The following CTNNA3 variants were observed in gnomAD, a reference collection of about 807,000 sequenced individuals.
CTNNA3 encodes catenin alpha-3.
In CTNNA3, 76 loss-of-function variants were observed where a neutral mutation model predicts 95.7. That is an observed-to-expected ratio of 0.79 (90% CI 0.66 to 0.96). The LOEUF (loss-of-function observed/expected upper bound fraction) is 0.96, where lower values mean the gene tolerates loss of function less well. Ranked by LOEUF, CTNNA3 falls within the 40% of genes least tolerant of loss-of-function variation. CTNNA3 has a pLI of 0.00. For missense variants in CTNNA3, 1,191 were observed against 1,089.8 expected (o/e 1.09, Z -1.31); for synonymous variants, 431 against 374.4 (o/e 1.15, Z -1.74).
intron 5 of CTNNA3, among the ~76,000 whole-genome samples, chr10:67,287,378 T>C (rs1839649203): frequency 6.6e-6 from 1 of 152,132 alleles, no homozygotes; most frequent in African/African-American, 2.4e-5. Context: ...ACAGATTGTC[T>C]TTGTGATAGC....
chr10:66,166,781 G>C (rs1383876024), intron 13 of CTNNA3, among the ~76,000 whole-genome samples: 3 of 152,086 alleles, frequency 2.0e-5, no homozygotes, highest in African/African-American at 7.2e-5. Context: ...TAAATTGAAG[G>C]GGTGAATGAA....
chr10:67,451,849 T>C (rs149211356), intron 5 of CTNNA3, among the ~76,000 whole-genome samples: 2 of 152,316 alleles, frequency 1.3e-5, no homozygotes, highest in Non-Finnish European at 2.9e-5. Flanking sequence ...ATTTTATTCA[T>C]TCAGTGCTGC....
chr10:67,074,920 ACAT>A (rs1235713271), intron 7 of CTNNA3, among the ~76,000 whole-genome samples: 6 of 152,206 alleles, frequency 3.9e-5, no homozygotes, highest in Non-Finnish European at 8.8e-5. Context: ...TAACACACAG[ACAT>A]CATGCTGAAA....
At chr10:66,275,028 A>C (rs1280836838) in intron 13 of CTNNA3, among the ~76,000 whole-genome samples, 2 of 152,100 alleles carry the variant, frequency 1.3e-5, no homozygotes, top group Non-Finnish European at 2.9e-5. Flanking sequence ...ATATTTTCTA[A>C]TTGTTAGTTG....
Position 67,756,277 on chromosome 10 carries a change from A to G in CTNNA3, c.-2+7157T>C, listed in dbSNP as rs572752592. ...TTTTAGATAAATCAGTAGGGTGTCT[A>G]TAGTCTACAGTAGTCTATTGTACAT... On this transcript the variant is annotated intron_variant, in intron 1 of 17. Coordinates refer to the CTNNA3 transcript ENST00000684154. Among the ~76,000 whole-genome samples, 7 of 152,332 alleles carry G rather than the reference A, an allele frequency of 4.6e-5. No individual in the cohort carries two copies. The East Asian group carries it at 1.2e-3, about 25-fold the overall frequency.
chr10:67,393,911 C>A (rs1288212209), intron 5 of CTNNA3, among the ~76,000 whole-genome samples: 1 of 152,118 alleles, frequency 6.6e-6, no homozygotes, highest in African/African-American at 2.4e-5. Context: ...ACTAGCACAG[C>A]TCAATTCAGG....
chr10:66,258,910 GT>G (rs1211614042), intron 13 of CTNNA3, among the ~76,000 whole-genome samples: 1 of 152,180 alleles, frequency 6.6e-6, no homozygotes, highest in Non-Finnish European at 1.5e-5. Context: ...AAAAAGAGAA[GT>G]GAAAACTAAT....
At chr10:66,182,622 T>C (rs918753912) in intron 13 of CTNNA3, among the ~76,000 whole-genome samples, 2 of 152,122 alleles carry the variant, frequency 1.3e-5, no homozygotes, top group African/African-American at 4.8e-5. Context: ...AAGACCCATG[T>C]ACTTCAAAAT....
At chr10:67,353,910 C>A (rs1387984855) in intron 5 of CTNNA3, among the ~76,000 whole-genome samples, 3 of 151,966 alleles carry the variant, frequency 2.0e-5, no homozygotes, top group Non-Finnish European at 4.4e-5. Context: ...AATGAAGCTG[C>A]AATGTCTCTA....
At chr10:66,017,938 T>C (rs1173490531) in intron 15 of CTNNA3, among the ~76,000 whole-genome samples, 1 of 152,068 alleles carries the variant, frequency 6.6e-6, no homozygotes, top group Non-Finnish European at 1.5e-5. Flanking sequence ...TTTATGTTTA[T>C]TCAATTTTGT....
chr10:66,453,240 A>C (rs2093476314), intron 11 of CTNNA3, among the ~76,000 whole-genome samples: 1 of 151,524 alleles, frequency 6.6e-6, no homozygotes, highest in Non-Finnish European at 1.5e-5. Flanking sequence ...AAAAAAACTG[A>C]GCCTCCAAAT....
At chr10:67,264,944 A>G (rs189760263) in intron 5 of CTNNA3, among the ~76,000 whole-genome samples, 1 of 152,344 alleles carries the variant, frequency 6.6e-6, no homozygotes, top group Admixed American at 6.5e-5. Context: ...TGAAGGTAAC[A>G]ATTAGATATA....
At chr10:67,013,967 C>A (rs772621275) in intron 7 of CTNNA3, among the ~76,000 whole-genome samples, 17 of 152,042 alleles carry the variant, frequency 1.1e-4, no homozygotes, top group Non-Finnish European at 2.5e-4. Context: ...ATCAGGGTTT[C>A]CCAGGACTGC....
rs139368396 is a variant in CTNNA3 at position 67,634,403 on chromosome 10, T to C, written c.99+13012A>G. ...TGAAGTACACAGACCAGTGACACTA[T>C]TAAGCAACTACATAAACAAGTCTGC... is the stretch of plus-strand genomic sequence containing the variant. On this transcript the variant is annotated intron_variant, in intron 2 of 17. Transcript: ENST00000433211. 1.2e-3 allele frequency among the ~76,000 whole-genome samples: 183 copies of C among 152,258 alleles called. 3 individuals are homozygous for C. In the East Asian group the frequency reaches 0.016, roughly 13 times the overall value.
chr10:67,191,979 G>C (rs1863139323), intron 6 of CTNNA3, among the ~76,000 whole-genome samples: 1 of 151,538 alleles, frequency 6.6e-6, no homozygotes, highest in South Asian at 2.1e-4. Flanking sequence ...AGCACAATGG[G>C]GAAAGAATAG....
At chr10:66,895,833 T>C (rs1845457773) in intron 7 of CTNNA3, among the ~76,000 whole-genome samples, 1 of 150,942 alleles carries the variant, frequency 6.6e-6, no homozygotes, top group Admixed American at 6.7e-5. Context: ...ATCCCAGCAC[T>C]TTGGGAGGCC....
Position 66,069,426 on chromosome 10 carries a change from T to G in CTNNA3, c.2041A>C (p.Lys681Gln). ...GCATCCAGCTTACTCTTTACTTTCTTGAAATCAGCAACTTGCTCAGCAATC... is the reference window on the plus strand; with the variant it reads ...GCATCCAGCTTACTCTTTACTTTCTGGAAATCAGCAACTTGCTCAGCAATC... ...EKIAEQVADFKKVKSKLDAEI... is the reference protein window; with the variant it reads ...EKIAEQVADFQKVKSKLDAEI... The change falls in exon 15 of 18, where the codon AAG becomes CAG. Residue 681 changes from lysine (K) to glutamine (Q), a missense_variant. By Grantham distance (53) the Lys-to-Gln change is moderately conservative (BLOSUM62 1). Coordinates refer to ENST00000433211, the MANE Select transcript of CTNNA3 (RefSeq NM_013266.4). 1 of 1,613,656 alleles carries G rather than the reference T, an allele frequency of 6.2e-7. No individual in the cohort carries two copies. The highest frequency in any genetic ancestry group is 8.5e-7 in the Non-Finnish European group (1 of 1,179,768).
intron 11 of CTNNA3, among the ~76,000 whole-genome samples, chr10:66,452,455 A>C (rs1208917755): frequency 1.3e-5 from 2 of 152,258 alleles, no homozygotes; most frequent in Non-Finnish European, 2.9e-5. Context: ...CTAACCCCCA[A>C]GCTGCCCTTG....
chr10:67,362,344 C>T (rs989674014), intron 5 of CTNNA3, among the ~76,000 whole-genome samples: 3 of 152,094 alleles, frequency 2.0e-5, no homozygotes, highest in Non-Finnish European at 4.4e-5. Context: ...AGGCCAACAT[C>T]CCTAATGAAC....
Sources: allele counts gnomAD v4.1 joint callset (sites outside exome capture counted in the v4.1 genomes callset), GRCh38; gene constraint gnomAD v4.1.1; transcripts MANE v1.5; gene names NCBI Gene and HGNC (gene_info 2026-07-23, HGNC 2026-07-21).